The following MPP7 variants were observed in gnomAD, a reference collection of about 807,000 sequenced individuals.
MPP7 encodes the protein MAGUK p55 subfamily member 7.
In MPP7, 60 loss-of-function variants were observed where a neutral mutation model predicts 76.5. The observed-to-expected ratio is 0.78, with a 90% confidence interval of 0.64 to 0.97. MPP7 has a LOEUF of 0.97. Ranked by LOEUF, MPP7 falls within the 50% of genes least tolerant of loss-of-function variation. The pLI is 0.00. For missense variants in MPP7, 641 were observed against 694.0 expected, an observed-to-expected ratio of 0.92 and a Z score of 0.86; for synonymous variants, 237 against 244.5, an observed-to-expected ratio of 0.97 and a Z score of 0.29.
chr10:28,221,098 C>T (rs1404817620), intron 2 of MPP7, among the ~76,000 whole-genome samples: 1 of 152,164 alleles, frequency 6.6e-6, no homozygotes. Context: ...GACGAACCCT[C>T]ATTTCAATAG....
At chr10:28,055,556 T>TA (rs1442677778) in intron 16 of MPP7, among the ~76,000 whole-genome samples, 1 of 152,204 alleles carries the variant, frequency 6.6e-6, no homozygotes, top group Non-Finnish European at 1.5e-5. Flanking sequence ...CCAGAACCCA[T>TA]AATAGTCATG....
At chr10:28,313,862 TTTTTATTTTTTTTA>T (rs1487693326) in intron 2 of MPP7, among the ~76,000 whole-genome samples, 12 of 34,392 alleles carry the variant, frequency 3.5e-4, no homozygotes, top group East Asian at 6.4e-4. Context: ...AATTTTTTTT[TTTTTATTTTTTTTA>T]TTTTTTTTTG....
At chr10:28,309,928 C>T (rs190913853) in intron 2 of MPP7, among the ~76,000 whole-genome samples, 59 of 152,110 alleles carry the variant, frequency 3.9e-4, no homozygotes, top group Non-Finnish European at 1.9e-4. Flanking sequence ...TCCCGGAGGC[C>T]GCCCCAGAAA....
intron 1 of MPP7, among the ~76,000 whole-genome samples, chr10:28,265,733 C>T (rs1392222648): frequency 6.6e-6 from 1 of 151,964 alleles, no homozygotes; most frequent in Non-Finnish European, 1.5e-5. Flanking sequence ...TTAACTTTAT[C>T]GAGTTAATAA....
At chr10:28,155,306 AAGGCC>A (rs1836015361) in intron 3 of MPP7, among the ~76,000 whole-genome samples, 1 of 152,148 alleles carries the variant, frequency 6.6e-6, no homozygotes, top group African/African-American at 2.4e-5. Flanking sequence ...ATAGCCATTA[AAGGCC>A]AAGTGCGGTG....
intron 2 of MPP7, among the ~76,000 whole-genome samples, chr10:28,326,228 G>C (rs1211604511): frequency 2.0e-5 from 3 of 152,040 alleles, no homozygotes; most frequent in African/African-American, 7.2e-5. Flanking sequence ...TCAATTATTG[G>C]GGTTTTTCTG....
chr10:28,201,391 C>G (rs1837766903), intron 3 of MPP7, among the ~76,000 whole-genome samples: 2 of 152,146 alleles, frequency 1.3e-5, no homozygotes, highest in Admixed American at 1.3e-4. Flanking sequence ...CATTGAGGCA[C>G]TGGTTTCTAC....
At chr10:28,300,293 G>A (rs935341749) in intron 1 of MPP7, among the ~76,000 whole-genome samples, 2 of 152,160 alleles carry the variant, frequency 1.3e-5, no homozygotes, top group Non-Finnish European at 2.9e-5. Flanking sequence ...AAAACCATTG[G>A]GGGAGGGGGA....
intron 1 of MPP7, chr10:28,289,335 C>G (rs1840859284): frequency 1.3e-5 from 2 of 151,830 alleles, no homozygotes; most frequent in African/African-American, 4.8e-5. Context: ...TCAGTCCAGA[C>G]TAGCAGACTA....
At chr10:28,201,861 G>C (rs902264151) in intron 3 of MPP7, among the ~76,000 whole-genome samples, 2 of 152,274 alleles carry the variant, frequency 1.3e-5, no homozygotes, top group South Asian at 4.1e-4. Flanking sequence ...GCTCATGAAT[G>C]TTGACCGTAA....
chr10:28,060,611 C>A (rs1851742787), intron 13 of MPP7, among the ~76,000 whole-genome samples: 1 of 152,184 alleles, frequency 6.6e-6, no homozygotes, highest in African/African-American at 2.4e-5. Context: ...CGCAGAGCAG[C>A]ATGGTAGAAT....
At chr10:28,119,341 G>C (rs767176436) in intron 11 of MPP7, among the ~76,000 whole-genome samples, 1 of 152,048 alleles carries the variant, frequency 6.6e-6, no homozygotes, top group Non-Finnish European at 1.5e-5. Flanking sequence ...TTTGAAGAAG[G>C]AAGAGCTGTA....
chr10:28,327,786 G>T (rs984108592), intron 2 of MPP7, among the ~76,000 whole-genome samples: 2 of 152,142 alleles, frequency 1.3e-5, no homozygotes, highest in African/African-American at 4.8e-5. Context: ...ATTGTGCCCT[G>T]ACATTATATT....
chr10:28,309,000 TG>T (rs1286441657), intron 2 of MPP7, among the ~76,000 whole-genome samples: 1 of 152,168 alleles, frequency 6.6e-6, no homozygotes, highest in Non-Finnish European at 1.5e-5. Context: ...CACTCTTGCC[TG>T]GATGATTCAA....
chr10:28,090,688 T>C (rs1853253520), intron 11 of MPP7, among the ~76,000 whole-genome samples: 1 of 152,184 alleles, frequency 6.6e-6, no homozygotes, highest in African/African-American at 2.4e-5. Context: ...TGCTTATGCG[T>C]CAGTCAGGCT....
chr10:28,327,469 A>C (rs1290612490), intron 2 of MPP7, among the ~76,000 whole-genome samples: 2 of 152,186 alleles, frequency 1.3e-5, no homozygotes, highest in Non-Finnish European at 2.9e-5. Flanking sequence ...AACTTCTTCA[A>C]TTCGTGGACT....
intron 2 of MPP7, among the ~76,000 whole-genome samples, chr10:28,326,229 G>T (rs1265173976): frequency 6.6e-6 from 1 of 152,058 alleles, no homozygotes; most frequent in Non-Finnish European, 1.5e-5. Context: ...CAATTATTGG[G>T]GTTTTTCTGT....
chr10:28,193,049 A>G (rs760896164), intron 3 of MPP7, among the ~76,000 whole-genome samples: 18 of 152,218 alleles, frequency 1.2e-4, no homozygotes, highest in Non-Finnish European at 2.6e-4. Flanking sequence ...AAACAATTGG[A>G]TATTCATATG....
chr10:28,167,138 C>A (rs999382868), intron 3 of MPP7, among the ~76,000 whole-genome samples: 23 of 151,942 alleles, frequency 1.5e-4, no homozygotes, highest in African/African-American at 5.3e-4. Flanking sequence ...TGGCAAAACC[C>A]CATCTCTACT....
Sources: allele counts gnomAD v4.1 joint callset (sites outside exome capture counted in the v4.1 genomes callset), GRCh38; gene constraint gnomAD v4.1.1; transcripts MANE v1.5; gene names NCBI Gene and HGNC (gene_info 2026-07-23, HGNC 2026-07-21).